The following ZNF558 variants were observed in gnomAD, a reference collection of about 807,000 sequenced individuals.
ZNF558 encodes the protein zinc finger protein 558.
Under a neutral mutation model 37.6 loss-of-function variants are expected in ZNF558, and 23 were observed. The ratio of observed to expected loss-of-function variants is 0.61; its 90% CI spans 0.44 to 0.87. The LOEUF is 0.87. Ranked by LOEUF, ZNF558 falls within the 40% of genes least tolerant of loss-of-function variation. ZNF558 has a pLI of 0.00. For missense variants in ZNF558, 429 were observed against 483.7 expected (o/e 0.89, Z 1.06); for synonymous variants, 189 against 174.4 (o/e 1.08, Z -0.66).
rs964932937 is a variant in ZNF558 at position 8,810,003 on chromosome 19, A to G, written c.*1278T>C. ...AGAAGAATCACTGAAAAATTTTCCAATATTAATATACTCATAGGTTTTGCA... is the reference window on the plus strand; with the variant it reads ...AGAAGAATCACTGAAAAATTTTCCAGTATTAATATACTCATAGGTTTTGCA... On this transcript the variant is annotated 3_prime_UTR_variant, in exon 10 of 10. Transcript: ENST00000601372. The G allele has an allele frequency of 3.3e-5, 5 of 152,168 alleles. No homozygotes were observed. The highest frequency in any genetic ancestry group is 5.9e-5 in the Non-Finnish European group (4 of 68,026). 9.4% of individuals were successfully genotyped at this position (152,168 alleles called of 1,614,324 possible).
At chr19:8,835,224 G>C (rs1440111681), upstream of ZNF558, among the ~76,000 whole-genome samples, 1 of 152,036 alleles carries the variant, frequency 6.6e-6, no homozygotes, top group Non-Finnish European at 1.5e-5. Context: ...GCTAATTTTT[G>C]TATTTTTAGC....
chr19:8,830,444 T>C lies in ZNF558; in HGVS notation c.-509+874A>G, dbSNP rs1599298639. 5.3e-5 allele frequency among the ~76,000 whole-genome samples: 8 copies of C among 152,266 alleles called. 1 individual carries two copies. Among genetic ancestry groups the C allele is most frequent in the Admixed American group, 1.3e-4 (2 of 15,294 alleles). On this transcript the variant is annotated intron_variant, in intron 2 of 9. Coordinates refer to ENST00000601372, the MANE Select transcript of ZNF558 (RefSeq NM_144693.3). ...AGTTGTTGCTTAATATTCTTCCAAA[T>C]GTTTTCAAATCTCATTAGGAAAAAA... is the stretch of plus-strand genomic sequence containing the variant.
chr19:8,836,414 T>C (rs2044456040), upstream of ZNF558, among the ~76,000 whole-genome samples: 1 of 151,404 alleles, frequency 6.6e-6, no homozygotes, highest in African/African-American at 2.4e-5. Context: ...TCCTCCTCCT[T>C]CTTCTTTCTT....
upstream of ZNF558, among the ~76,000 whole-genome samples, chr19:8,836,744 G>A (rs2044460262): frequency 6.6e-6 from 1 of 152,122 alleles, no homozygotes; most frequent in Non-Finnish European, 1.5e-5. Context: ...CCTTTGCCTT[G>A]GCTGCCCAAA....
the ZNF558 span, among the ~76,000 whole-genome samples, chr19:8,838,092 C>T: frequency 6.6e-6 from 1 of 150,830 alleles, no homozygotes; most frequent in Non-Finnish European, 1.5e-5. Flanking sequence ...ACTAAAAATA[C>T]AAAAAATAAG....
intron 7 of ZNF558, among the ~76,000 whole-genome samples, chr19:8,819,327 C>A (rs1428472196): frequency 6.6e-6 from 1 of 152,022 alleles, no homozygotes. Context: ...ATTACAGGCA[C>A]CTGCCACCAC....
chr19:8,806,792 A>G lies in ZNF558; in HGVS notation c.*4489T>C, dbSNP rs1208919873. 1.3e-5 allele frequency: 2 copies of G among 151,914 alleles called. No individual in the cohort carries two copies. Among genetic ancestry groups the G allele is most frequent in the Non-Finnish European group, 2.9e-5 (2 of 67,994 alleles). 9.4% of individuals were successfully genotyped at this position (151,914 alleles called of 1,614,324 possible). On this transcript the variant is annotated 3_prime_UTR_variant, in exon 10 of 10. Coordinates refer to ENST00000601372, the MANE Select transcript of ZNF558 (RefSeq NM_144693.3). ...TTAGGTTACAGAACTTTTGATTGAC[A>G]ATTTCCCCCTCCTCCAACCCATTTA...
At chr19:8,813,964 T>G (rs2043863916) in intron 7 of ZNF558, among the ~76,000 whole-genome samples, 1 of 152,166 alleles carries the variant, frequency 6.6e-6, no homozygotes, top group South Asian at 2.1e-4. Context: ...ACAGAGGTGC[T>G]CAAGAAAACT....
chr19:8,822,477 C>T lies in ZNF558; in HGVS notation c.31+152G>A, dbSNP rs1358803275. On this transcript the variant is annotated intron_variant, in intron 5 of 9. Coordinates refer to ENST00000601372, the MANE Select transcript of ZNF558 (RefSeq NM_144693.3). This position sits in a 1 kb window ranked among gnomAD's most constrained non-coding sequence, Gnocchi z 4.4. Reference sequence around the variant, plus strand: ...ACCCAAATGCCTAAGTCCCAAATCCCGAGAGCTGCCCGATCAGACACGGAG... The same window carrying T: ...ACCCAAATGCCTAAGTCCCAAATCCTGAGAGCTGCCCGATCAGACACGGAG... The T allele has an allele frequency of 1.1e-5, 12 of 1,086,160 alleles. No individual in the cohort carries two copies. The highest frequency in any genetic ancestry group is 9.1e-5 in the South Asian group (6 of 65,760). 67.3% of individuals were successfully genotyped at this position (1,086,160 alleles called of 1,614,324 possible).
Position 8,812,045 on chromosome 19 carries a change from C to T in ZNF558, c.445G>A (p.Val149Met), listed in dbSNP as rs141831046. Residue 149 changes from valine to methionine, a missense_variant, in exon 10 of 10, where the codon GTG becomes ATG. By Grantham distance (21) the Val-to-Met change is conservative. Transcript: ENST00000601372. ...CACTGATTACATTCATTGAGTTTCA[C>T]TCCACGATGACTTCTTTCCTGTGGA... ...GVKTERSHRG[V>M]KLNECNQCFK... The T allele has an allele frequency of 2.7e-3, 4,302 of 1,590,080 alleles. 19 individuals carry two copies. Among genetic ancestry groups the T allele is most frequent in the South Asian group, 0.013 (1,142 of 87,018 alleles).
rs561086424 is a variant in ZNF558, at chr19:8,810,240, A to C, written c.*1041T>G. On this transcript the variant is annotated 3_prime_UTR_variant, in exon 10 of 10. Coordinates refer to ENST00000601372, the MANE Select transcript of ZNF558 (RefSeq NM_144693.3). ...TCCCTTAAAAACCGATAGAACATTCAAGGCTTTCCCATAGTCACTGCAGAA... is the reference window on the plus strand; with the variant it reads ...TCCCTTAAAAACCGATAGAACATTCCAGGCTTTCCCATAGTCACTGCAGAA... 1 of 152,370 alleles carries C rather than the reference A, an allele frequency of 6.6e-6. No homozygotes were observed. The highest frequency in any genetic ancestry group is 6.5e-5 in the Admixed American group (1 of 15,306). The allele number at this position is 152,370 out of a possible 1,614,324, so 9.4% of individuals were successfully genotyped here.
At chr19:8,825,789 C>CA (rs2044218427) in intron 2 of ZNF558, among the ~76,000 whole-genome samples, 2 of 152,082 alleles carry the variant, frequency 1.3e-5, no homozygotes, top group South Asian at 4.1e-4. Context: ...CTGTGGTAGA[C>CA]AGATGATTAA....
intron 4 of ZNF558, among the ~76,000 whole-genome samples, chr19:8,823,441 C>CCACTCCTGCCTCGGTCACCT (rs2044151056): frequency 8.9e-6 from 1 of 112,204 alleles, no homozygotes; most frequent in Non-Finnish European, 1.9e-5. Flanking sequence ...CTCGGTCACC[C>CCACTCCTGCCTCGGTCACCT]CCCTCCTGCC....
chr19:8,824,626 C>T (rs2044188962), intron 3 of ZNF558, among the ~76,000 whole-genome samples: 2 of 152,164 alleles, frequency 1.3e-5, no homozygotes, highest in African/African-American at 4.8e-5. Flanking sequence ...CCTTCTGCCT[C>T]CTCCCATCGC....
chr19:8,822,191 G>T lies in ZNF558; in HGVS notation c.32-100C>A. On this transcript the variant is annotated intron_variant, in intron 5 of 9. Transcript: ENST00000601372. This position sits in a 1 kb window ranked among gnomAD's most constrained non-coding sequence, Gnocchi z 4.4. ...CCACCTCCCACACCCACACGGATGA[G>T]GCACCACACAGTGCCCACCTACGCT... The T allele has an allele frequency of 6.9e-7, 1 of 1,449,062 alleles. No individual in the cohort carries two copies. 89.8% of individuals were successfully genotyped at this position (1,449,062 alleles called of 1,614,324 possible).
chr19:8,821,106 A>G, intron 7 of ZNF558, 74 bp downstream of exon 7: 1 of 1,554,484 alleles, frequency 6.4e-7, no homozygotes, highest in African/African-American at 1.4e-5. Flanking sequence ...TTACCACAAT[A>G]AAAAAAGTAA....
rs2044116862 is a variant in ZNF558 at position 8,822,396 on chromosome 19, T to C, written c.31+233A>G. ...TTTTTATCAGATTCACAGAAAGAAC[T>C]AAAGGGAGAATTCAAAAGCTCCAGC... On this transcript the variant is annotated intron_variant, in intron 5 of 9. Transcript: ENST00000601372. This position sits in a 1 kb window ranked among gnomAD's most constrained non-coding sequence, Gnocchi z 4.4. Among the ~76,000 whole-genome samples, 1 of 152,034 alleles carries C rather than the reference T, an allele frequency of 6.6e-6. No individual in the cohort carries two copies. Among genetic ancestry groups the C allele is most frequent in the Non-Finnish European group, 1.5e-5 (1 of 68,008 alleles).
In ZNF558 at chr19:8,822,945, A is replaced by C. The variant is rs1340496379; in HGVS notation, c.-65-221T>G. 2.1e-5 allele frequency: 10 copies of C among 466,066 alleles called. No homozygotes were observed. Among genetic ancestry groups the C allele is most frequent in the African/African-American group, 2.0e-4 (10 of 51,170 alleles). 28.9% of individuals were successfully genotyped at this position (466,066 alleles called of 1,614,324 possible). ...ACAACGACCAGTACCTCCCTGACCC[A>C]CCCGCTTTGAGAACCTCGGCTTCAC... On this transcript the variant is annotated intron_variant, in intron 4 of 9. Transcript: ENST00000601372. The surrounding 1 kb of genome is among the most constrained non-coding windows in gnomAD (Gnocchi z 4.4).
chr19:8,818,892 A>G (rs1194524261), intron 7 of ZNF558, among the ~76,000 whole-genome samples: 1 of 152,244 alleles, frequency 6.6e-6, no homozygotes, highest in Admixed American at 6.5e-5. Flanking sequence ...GTATGGCCAC[A>G]TAATTTTCAA....
Sources: allele counts gnomAD v4.1 joint callset (sites outside exome capture counted in the v4.1 genomes callset), GRCh38; gene constraint gnomAD v4.1.1; non-coding constraint Gnocchi (gnomAD v3.1); transcripts MANE v1.5; gene names NCBI Gene and HGNC (gene_info 2026-07-23, HGNC 2026-07-21).